The following BBOX1 variants were observed in gnomAD, a reference collection of about 807,000 sequenced individuals.
The protein encoded by BBOX1 is gamma-butyrobetaine hydroxylase 1.
In BBOX1, 35 loss-of-function variants were observed where a neutral mutation model predicts 41.6. The ratio of observed to expected loss-of-function variants is 0.84; its 90% CI spans 0.64 to 1.11. The LOEUF is 1.11. Among genes scored for constraint, BBOX1 ranks in the 50% most tolerant of loss-of-function variants. The pLI is 0.00. For synonymous variants in BBOX1, 163 were observed against 154.7 expected (o/e 1.05, Z -0.40); for missense variants, 458 against 460.6 (o/e 0.99, Z 0.05).
intron 4 of BBOX1, among the ~76,000 whole-genome samples, chr11:27,072,107 A>G (rs1485022827): frequency 2.6e-5 from 4 of 152,308 alleles, no homozygotes; most frequent in Non-Finnish European, 4.4e-5. Flanking sequence ...AGGGTATTCA[A>G]TTAGGAAAAG....
intron 3 of BBOX1, 68 bp from the exon 4 acceptor site, chr11:27,057,133 A>AAAACAGAGC (rs1425541624): frequency 9.9e-7 from 1 of 1,015,130 alleles, no homozygotes; most frequent in Non-Finnish European, 1.4e-6. Flanking sequence ...ACAGCATTCA[A>AAAACAGAGC]AAACAGAGCA....
intron 4 of BBOX1, among the ~76,000 whole-genome samples, chr11:27,086,206 A>T (rs1858034960): frequency 6.6e-6 from 1 of 152,134 alleles, no homozygotes; most frequent in African/African-American, 2.4e-5. Context: ...CAGATTGTCC[A>T]TGTAGATAAA....
intron 5 of BBOX1, among the ~76,000 whole-genome samples, chr11:27,097,162 A>G (rs1858469391): frequency 6.8e-6 from 1 of 146,626 alleles, no homozygotes; most frequent in Non-Finnish European, 1.5e-5. Flanking sequence ...TAAAGCTTTG[A>G]TTTAGCACAA....
intron 2 of BBOX1, 127 bp from the exon 3 acceptor site, chr11:27,055,266 T>C (rs1856942741): frequency 1.7e-6 from 1 of 605,840 alleles, no homozygotes; most frequent in Non-Finnish European, 2.8e-6. Flanking sequence ...CGTCAATAAG[T>C]CAAACCGCAG....
chr11:27,102,899 A>G (rs1004586919), intron 5 of BBOX1, among the ~76,000 whole-genome samples: 1 of 152,288 alleles, frequency 6.6e-6, no homozygotes, highest in African/African-American at 2.4e-5. Context: ...TTCCTTAAAA[A>G]TAATTTGATG....
At chr11:27,115,870 T>C (rs1368467491) in intron 6 of BBOX1, among the ~76,000 whole-genome samples, 1 of 151,962 alleles carries the variant, frequency 6.6e-6, no homozygotes, top group African/African-American at 2.4e-5. Context: ...AATCTTAAGG[T>C]CTTTTTGCAC....
intron 3 of BBOX1, 88 bp from the exon 4 acceptor site, chr11:27,057,113 A>T: frequency 3.2e-6 from 2 of 626,182 alleles, no homozygotes; most frequent in Non-Finnish European, 2.6e-6. Flanking sequence ...GGATTCCCTG[A>T]TTATCTTAAA....
intron 5 of BBOX1, among the ~76,000 whole-genome samples, chr11:27,100,093 C>A (rs547144198): frequency 2.0e-4 from 30 of 152,120 alleles, no homozygotes; most frequent in Admixed American, 7.2e-4. Flanking sequence ...TGTAAGCCAG[C>A]CCAGCAGCAT....
At chr11:27,064,746 C>T (rs1380370269) in intron 4 of BBOX1, among the ~76,000 whole-genome samples, 10 of 151,998 alleles carry the variant, frequency 6.6e-5, no homozygotes, top group African/African-American at 2.2e-4. Flanking sequence ...GGAGTGGCAG[C>T]GACTAGGCTT....
chr11:27,059,640 G>T (rs372452716), intron 4 of BBOX1, among the ~76,000 whole-genome samples: 8 of 152,172 alleles, frequency 5.3e-5, no homozygotes, highest in East Asian at 3.9e-4. Flanking sequence ...CTCTGGAGCC[G>T]AACTTTGCAA....
chr11:27,048,795 C>T (rs1252724223), intron 2 of BBOX1, among the ~76,000 whole-genome samples: 1 of 148,370 alleles, frequency 6.7e-6, no homozygotes, highest in Non-Finnish European at 1.5e-5. Flanking sequence ...TACATGTGCC[C>T]ATTGTGCAGG....
intron 2 of BBOX1, among the ~76,000 whole-genome samples, chr11:27,042,730 A>AAAT (rs929155658): frequency 6.6e-6 from 1 of 152,164 alleles, no homozygotes; most frequent in Non-Finnish European, 1.5e-5. Context: ...CCAAGTTTAA[A>AAAT]AATAATAATA....
chr11:27,060,765 G>T (rs530498406), intron 4 of BBOX1, among the ~76,000 whole-genome samples: 66 of 152,224 alleles, frequency 4.3e-4, no homozygotes, highest in African/African-American at 1.5e-3. Context: ...TCAAGAATTT[G>T]GTTCCTCCAT....
chr11:27,053,713 C>T (rs552438969), intron 2 of BBOX1, among the ~76,000 whole-genome samples: 1 of 152,266 alleles, frequency 6.6e-6, no homozygotes, highest in East Asian at 1.9e-4. Context: ...CACAGAGAAA[C>T]TGATGTTAGG....
intron 4 of BBOX1, among the ~76,000 whole-genome samples, chr11:27,067,332 T>C (rs976849205): frequency 6.6e-5 from 10 of 152,132 alleles, no homozygotes; most frequent in African/African-American, 2.4e-4. Flanking sequence ...CCAAGTAGTG[T>C]ACGTTGTAAC....
In BBOX1 at chr11:27,127,397, G is replaced by C. The variant is rs761801542; in HGVS notation, c.1108G>C (p.Asp370His). The C allele has an allele frequency of 1.2e-6, 2 of 1,614,020 alleles. No homozygotes were observed. Among genetic ancestry groups the C allele is most frequent in the Non-Finnish European group, 1.7e-6 (2 of 1,180,024 alleles). ...RHLEGAYADW[D>H]VVMSRLRILR... ...TCTAGAAGGAGCTTATGCTGACTGGGATGTGGTCATGTCAAGGCTTCGTAT... is the reference window on the plus strand; with the variant it reads ...TCTAGAAGGAGCTTATGCTGACTGGCATGTGGTCATGTCAAGGCTTCGTAT... The change falls in exon 9 of 9, where the codon GAT (aspartate) becomes CAT (histidine). Residue 370 changes from aspartate (D) to histidine (H), a missense_variant. Asp to His is a moderately conservative substitution (Grantham distance 81, BLOSUM62 -1). Transcript: ENST00000263182.
chr11:27,087,847 G>A (rs1013095665), intron 4 of BBOX1, among the ~76,000 whole-genome samples: 3 of 151,914 alleles, frequency 2.0e-5, no homozygotes, highest in African/African-American at 7.2e-5. Flanking sequence ...AGCTATGGTT[G>A]AAAAAGTATA....
intron 5 of BBOX1, among the ~76,000 whole-genome samples, chr11:27,096,332 C>A (rs1858437525): frequency 6.6e-6 from 1 of 151,830 alleles, no homozygotes; most frequent in Non-Finnish European, 1.5e-5. Context: ...ACTCTTGTTT[C>A]AAAAATAATT....
chr11:27,047,926 C>T (rs1456678537), intron 2 of BBOX1, among the ~76,000 whole-genome samples: 1 of 152,088 alleles, frequency 6.6e-6, no homozygotes, highest in African/African-American at 2.4e-5. Flanking sequence ...ACCGTCCATA[C>T]AATTAAAACT....
Sources: allele counts gnomAD v4.1 joint callset (sites outside exome capture counted in the v4.1 genomes callset), GRCh38; gene constraint gnomAD v4.1.1; transcripts MANE v1.5; gene names NCBI Gene and HGNC (gene_info 2026-07-23, HGNC 2026-07-21).